CA10: variants seen among roughly 807,000 people sequenced by gnomAD.
CA10 encodes carbonic anhydrase 10 (inactive), also known as carbonic anhydrase-related protein 10.
CA10 carries 14 observed loss-of-function variants against 44.2 expected under a neutral mutation model. That is an observed-to-expected ratio of 0.32 (90% CI 0.21 to 0.50). The LOEUF (loss-of-function observed/expected upper bound fraction) is 0.50, where lower values mean the gene tolerates loss of function less well. Ranked by LOEUF, CA10 falls within the 20% of genes least tolerant of loss-of-function variation. The probability of loss-of-function intolerance (pLI) is 0.99; values close to 1 mark genes in which losing one functional copy is unlikely to be tolerated. For missense variants in CA10, 350 were observed against 409.7 expected (o/e 0.85, Z 1.26); for synonymous variants, 159 against 141.6 (o/e 1.12, Z -0.87).
At position 51,869,493 on chromosome 17, in the gene CA10, A is replaced by G. The variant is rs553840444; in HGVS notation, c.279+61497T>C. On this transcript the variant is annotated intron_variant, in intron 3 of 8. Coordinates refer to ENST00000451037, the MANE Select transcript of CA10 (RefSeq NM_020178.5). ...ATCACCAGGAAACAACATAAAACAC[A>G]GCAGTAAACTTAACAGGAGTCTCCC... 8.5e-5 allele frequency among the ~76,000 whole-genome samples: 13 copies of G among 152,346 alleles called. No individual in the cohort carries two copies. The South Asian group carries it at 2.1e-3, about 24-fold the overall frequency.
chr17:52,076,069 T>C (rs1391145441), intron 1 of CA10, among the ~76,000 whole-genome samples: 1 of 152,208 alleles, frequency 6.6e-6, no homozygotes. Flanking sequence ...CTAACTCTAA[T>C]AAAACCTGAG....
chr17:51,819,077 C>T (rs1392330076), intron 3 of CA10, among the ~76,000 whole-genome samples: 1 of 152,202 alleles, frequency 6.6e-6, no homozygotes, highest in African/African-American at 2.4e-5. Flanking sequence ...AAGTCATAAG[C>T]AACCATGGCT....
At chr17:51,641,073 T>C (rs898163597) in intron 6 of CA10, among the ~76,000 whole-genome samples, 23 of 151,970 alleles carry the variant, frequency 1.5e-4, no homozygotes, top group African/African-American at 3.9e-4. Flanking sequence ...TGAGGACAGA[T>C]GTTCAAATAA....
chr17:51,764,790 T>G (rs1484191825), intron 3 of CA10, among the ~76,000 whole-genome samples: 1 of 152,162 alleles, frequency 6.6e-6, no homozygotes, highest in African/African-American at 2.4e-5. Flanking sequence ...CATTTCTTGA[T>G]TAAGAACCAA....
intron 1 of CA10, among the ~76,000 whole-genome samples, chr17:52,128,547 T>C (rs1474815788): frequency 6.6e-6 from 1 of 152,192 alleles, no homozygotes; most frequent in African/African-American, 2.4e-5. Flanking sequence ...TGGCTTCTAA[T>C]CCTATCTCTA....
chr17:51,981,265 AC>A (rs1477681302), intron 2 of CA10, among the ~76,000 whole-genome samples: 1 of 152,040 alleles, frequency 6.6e-6, no homozygotes, highest in Non-Finnish European at 1.5e-5. Context: ...AAACTGAAAC[AC>A]CCCAAATGGT....
intron 2 of CA10, among the ~76,000 whole-genome samples, chr17:51,951,131 G>A (rs1983465813): frequency 6.6e-6 from 1 of 152,094 alleles, no homozygotes; most frequent in Non-Finnish European, 1.5e-5. Context: ...CAAAGCACAT[G>A]AAATGTAATG....
intron 2 of CA10, among the ~76,000 whole-genome samples, chr17:52,010,269 G>C (rs529813612): frequency 1.7e-4 from 26 of 151,992 alleles, no homozygotes; most frequent in Non-Finnish European, 3.2e-4. Context: ...TAGAGGAAAA[G>C]AGTTATTATA....
chr17:51,708,334 A>G (rs1915823687), intron 4 of CA10, among the ~76,000 whole-genome samples: 1 of 152,186 alleles, frequency 6.6e-6, no homozygotes. Context: ...GGCACTGAAC[A>G]CTTAGACTTT....
At chr17:51,992,122 C>T (rs1985063636) in intron 2 of CA10, among the ~76,000 whole-genome samples, 1 of 152,078 alleles carries the variant, frequency 6.6e-6, no homozygotes, top group Non-Finnish European at 1.5e-5. Flanking sequence ...TCTGATATAG[C>T]TGTGAACCTT....
intron 3 of CA10, among the ~76,000 whole-genome samples, chr17:51,782,042 A>C (rs1022617277): frequency 6.6e-6 from 1 of 152,220 alleles, no homozygotes; most frequent in Non-Finnish European, 1.5e-5. Flanking sequence ...GTTCTAATTC[A>C]TTCCATGTAC....
chr17:51,949,153 C>T (rs924144584), intron 2 of CA10, among the ~76,000 whole-genome samples: 16 of 152,102 alleles, frequency 1.1e-4, no homozygotes, highest in African/African-American at 3.6e-4. Flanking sequence ...TTTCTTCTGC[C>T]CAATATTTAG....
rs551654680 is a variant in CA10 at position 51,818,293 on chromosome 17, C to T, written c.280-70475G>A. 6.4e-4 allele frequency among the ~76,000 whole-genome samples: 97 copies of T among 152,242 alleles called. 1 individual carries two copies. The highest frequency in any genetic ancestry group is 5.8e-3 in the Admixed American group (88 of 15,298). Reference sequence around the variant, plus strand: ...TAAATCTTTCTTTTTTAAGTCTGCACTAAAAGAAAGTTATTTTTCTTTGCA... The same window carrying T: ...TAAATCTTTCTTTTTTAAGTCTGCATTAAAAGAAAGTTATTTTTCTTTGCA... On this transcript the variant is annotated intron_variant, in intron 3 of 8. Coordinates refer to ENST00000451037, the MANE Select transcript of CA10 (RefSeq NM_020178.5).
chr17:52,053,290 C>T (rs1987129868), intron 2 of CA10, among the ~76,000 whole-genome samples: 1 of 151,978 alleles, frequency 6.6e-6, no homozygotes, highest in African/African-American at 2.4e-5. Context: ...TACCAGCTTC[C>T]AATACCAACT....
intron 2 of CA10, among the ~76,000 whole-genome samples, chr17:51,976,735 G>A (rs1379827431): frequency 6.6e-6 from 1 of 151,474 alleles, no homozygotes; most frequent in African/African-American, 2.4e-5. Flanking sequence ...GTAAATGAAA[G>A]GGAATGTTAA....
At chr17:52,072,443 G>T in intron 1 of CA10, 50 bp from the exon 2 acceptor site, 5 of 1,357,712 alleles carry the variant, frequency 3.7e-6, no homozygotes, top group Non-Finnish European at 5.3e-6. Context: ...GAGAAGCACT[G>T]TGTCCCGGCT....
At chr17:52,060,037 A>G (rs1324258346) in intron 2 of CA10, among the ~76,000 whole-genome samples, 1 of 152,166 alleles carries the variant, frequency 6.6e-6, no homozygotes, top group Non-Finnish European at 1.5e-5. Context: ...AATCTTCCAC[A>G]TTTACTGATT....
intron 3 of CA10, among the ~76,000 whole-genome samples, chr17:51,751,918 A>G (rs756690273): frequency 7.2e-5 from 11 of 152,292 alleles, no homozygotes; most frequent in Middle Eastern, 6.8e-3. Flanking sequence ...TGCACCTAAC[A>G]GTGTGCTAGG....
At chr17:51,717,752 T>TGC (rs1916188611) in intron 4 of CA10, among the ~76,000 whole-genome samples, 6 of 47,926 alleles carry the variant, frequency 1.3e-4, no homozygotes, top group Admixed American at 2.9e-4. Context: ...TATACATGTA[T>TGC]ATATACGTAT....
Sources: gnomAD v4.1 joint callset for allele counts (sites outside exome capture counted in the v4.1 genomes callset) on GRCh38, gnomAD v4.1.1 for gene constraint, MANE v1.5 for transcripts, NCBI Gene and HGNC (gene_info 2026-07-23, HGNC 2026-07-21) for gene names.